ACACB: variants seen among roughly 807,000 people sequenced by gnomAD.
ACACB encodes the protein acetyl-CoA carboxylase 2.
In ACACB, 209 loss-of-function variants were observed where a neutral mutation model predicts 278.8. The ratio of observed to expected loss-of-function variants is 0.75; its 90% CI spans 0.67 to 0.84. The LOEUF is 0.84. ACACB is among the 40% of genes least tolerant of loss of function. ACACB has a pLI of 0.00. For missense variants in ACACB, 2,850 were observed against 3,269.0 expected (o/e 0.87, Z 3.13); for synonymous variants, 1,174 against 1,285.6 (o/e 0.91, Z 1.86).
rs764516576 is a variant in ACACB, at chr12:109,176,018, A to G, written c.1304A>G (p.Lys435Arg). 2.5e-6 allele frequency: 4 copies of G among 1,614,080 alleles called. No homozygotes were observed. The highest frequency in any genetic ancestry group is 3.4e-6 in the Non-Finnish European group (4 of 1,180,040). The change falls in exon 8 of 53, where the codon AAA (lysine) becomes AGA (arginine). Residue 435 changes from lysine (K) to arginine (R), a missense_variant. Physicochemically the swap from Lys to Arg is conservative, Grantham distance 26. Transcript: ENST00000338432. ...GATGTTTATGACAAGGGTTGCGTGA[A>G]AGACGTAGATGAGGGCTTGGAGGTA... ...PEDVYDKGCV[K>R]DVDEGLEAAE...
chr12:109,163,418 G>T (rs777145142), intron 2 of ACACB, among the ~76,000 whole-genome samples: 17 of 152,100 alleles, frequency 1.1e-4, no homozygotes, highest in African/African-American at 3.6e-4. Flanking sequence ...CCAAAAACAG[G>T]CTCGTAGACA....
At chr12:109,160,978 G>A (rs1320266331) in intron 2 of ACACB, among the ~76,000 whole-genome samples, 7 of 152,128 alleles carry the variant, frequency 4.6e-5, no homozygotes, top group Non-Finnish European at 1.0e-4. Flanking sequence ...GTGTAGAAAT[G>A]GGATGTCTCA....
intron 2 of ACACB, among the ~76,000 whole-genome samples, chr12:109,144,674 G>T (rs1467529294): frequency 2.0e-5 from 3 of 151,780 alleles, no homozygotes; most frequent in African/African-American, 7.3e-5. Flanking sequence ...TTTATAGGCA[G>T]AACAGGGCTG....
At chr12:109,254,674 T>A (rs1310409710) in intron 44 of ACACB, among the ~76,000 whole-genome samples, 3 of 152,090 alleles carry the variant, frequency 2.0e-5, no homozygotes, top group African/African-American at 7.2e-5. Context: ...GAAAATTCAG[T>A]GCTGAAACAT....
intron 35 of ACACB, 86 bp from the exon 36 acceptor site, chr12:109,240,992 C>T (rs1294970685): frequency 4.3e-6 from 6 of 1,383,584 alleles, no homozygotes; most frequent in Non-Finnish European, 6.1e-6. Context: ...GTCAGTATAT[C>T]TCATCCTCTT....
At position 109,219,829 on chromosome 12, in the gene ACACB, A is replaced by T. The variant is rs1015214673; in HGVS notation, c.3565-2678A>T. On this transcript the variant is annotated intron_variant, in intron 24 of 52. Coordinates refer to ENST00000338432, the MANE Select transcript of ACACB (RefSeq NM_001093.4). ...GAAGTTTGTAAAAATTAATTGGGAGAGAGGACTCTCCAAGTGATTGCAACA... is the reference window on the plus strand; with the variant it reads ...GAAGTTTGTAAAAATTAATTGGGAGTGAGGACTCTCCAAGTGATTGCAACA... 2.0e-5 allele frequency among the ~76,000 whole-genome samples: 3 copies of T among 152,204 alleles called. No individual in the cohort carries two copies. The East Asian group carries it at 5.8e-4, about 29-fold the overall frequency.
intron 24 of ACACB, among the ~76,000 whole-genome samples, chr12:109,219,585 G>A (rs2046102058): frequency 6.6e-6 from 1 of 152,180 alleles, no homozygotes; most frequent in South Asian, 2.1e-4. Context: ...TAATGGTTCT[G>A]TAGTAGGTGG....
intron 39 of ACACB, among the ~76,000 whole-genome samples, chr12:109,247,303 A>G (rs1318582283): frequency 6.6e-6 from 1 of 152,170 alleles, no homozygotes; most frequent in African/African-American, 2.4e-5. Flanking sequence ...TAACATATAT[A>G]CATATACAGA....
intron 3 of ACACB, 71 bp from the exon 4 acceptor site, chr12:109,167,825 C>G (rs1007894452): frequency 6.2e-7 from 1 of 1,609,154 alleles, no homozygotes; most frequent in Admixed American, 1.7e-5. Flanking sequence ...GTGAGGTGGA[C>G]TCGGGGTAGC....
intron 50 of ACACB, 68 bp from the exon 51 acceptor site, chr12:109,265,042 G>T: frequency 6.6e-7 from 1 of 1,526,112 alleles, no homozygotes; most frequent in East Asian, 2.3e-5. Context: ...ACTGTCATGG[G>T]TGTGGTCAGA....
At chr12:109,182,933 G>A (rs1029144498) in intron 11 of ACACB, among the ~76,000 whole-genome samples, 3 of 152,072 alleles carry the variant, frequency 2.0e-5, no homozygotes, top group African/African-American at 7.2e-5. Flanking sequence ...ATAATTTCAG[G>A]TCTTAGATTT....
chr12:109,266,423 C>A lies in ACACB; in HGVS notation c.*61C>A. On this transcript the variant is annotated 3_prime_UTR_variant, in exon 53 of 53. Coordinates refer to ENST00000338432, the MANE Select transcript of ACACB (RefSeq NM_001093.4). ...AAAGGAACCACCCAGACCCACCACCCGTACACCCTCAGCAGACCCTGAAGA... is the reference window on the plus strand; with the variant it reads ...AAAGGAACCACCCAGACCCACCACCAGTACACCCTCAGCAGACCCTGAAGA... 2 of 1,511,268 alleles carry A rather than the reference C, an allele frequency of 1.3e-6. No individual in the cohort carries two copies. The highest frequency in any genetic ancestry group is 1.3e-5 in the South Asian group (1 of 77,802). The allele number at this position is 1,511,268 out of a possible 1,614,324, so 93.6% of individuals were successfully genotyped here.
intron 21 of ACACB, among the ~76,000 whole-genome samples, chr12:109,212,522 C>T (rs1047885921): frequency 2.6e-5 from 4 of 152,106 alleles, no homozygotes; most frequent in East Asian, 1.9e-4. Flanking sequence ...CTTAGATTAT[C>T]GTAACGAGCA....
At position 109,171,928 on chromosome 12, in the gene ACACB, G is replaced by A; in HGVS notation, c.1035+14G>A. 6.2e-7 allele frequency: 1 copy of A among 1,607,144 alleles called. No homozygotes were observed. Among genetic ancestry groups the A allele is most frequent in the South Asian group, 1.1e-5 (1 of 90,948 alleles). On this transcript the variant is annotated intron_variant, in intron 5 of 52. Transcript: ENST00000338432. ...ATCCCCGTGCAGGTAGATGGACTGGGGTGCCCAAGTGTGGCCCCTGAGTGT... is the reference window on the plus strand; with the variant it reads ...ATCCCCGTGCAGGTAGATGGACTGGAGTGCCCAAGTGTGGCCCCTGAGTGT...
At chr12:109,179,509 C>A in intron 10 of ACACB, 1 of 621,678 alleles carries the variant, frequency 1.6e-6, no homozygotes, top group East Asian at 2.8e-5. Context: ...TTTTTTGAGA[C>A]AGAGTCTCAC....
At chr12:109,210,065 ATATATGTG>A (rs1263205227) in intron 21 of ACACB, among the ~76,000 whole-genome samples, 3 of 89,804 alleles carry the variant, frequency 3.3e-5, no homozygotes, top group Non-Finnish European at 5.2e-5. Flanking sequence ...ACACGTGTGT[ATATATGTG>A]TATATATGTA....
chr12:109,243,301 A>C (rs1205947747), intron 37 of ACACB, among the ~76,000 whole-genome samples: 1 of 152,148 alleles, frequency 6.6e-6, no homozygotes. Context: ...GTCTACTCTT[A>C]AAAAATAATG....
chr12:109,235,312 GA>G lies in ACACB; in HGVS notation c.4352del (p.Asn1451IlefsTer14). 6.8e-6 allele frequency: 11 copies of G among 1,613,976 alleles called. No individual in the cohort carries two copies. The highest frequency in any genetic ancestry group is 9.3e-6 in the Non-Finnish European group (11 of 1,179,902). ...CATTGTGTCTTTGGTTTTTAATGCA[GA>G]AAAATATCCTTGTGGATTATGGACT... ...PILRTFVQSKKNILVDYGLRR... is the reference protein window; with the variant it reads ...PILRTFVQSKXNILVDYGLRR... On this transcript the variant is annotated frameshift_variant and splice_region_variant, in exon 32 of 53. Coordinates refer to ENST00000338432, the MANE Select transcript of ACACB (RefSeq NM_001093.4). LOFTEE classifies it high-confidence loss of function.
chr12:109,215,439 C>G (rs891010612), intron 22 of ACACB, among the ~76,000 whole-genome samples: 2 of 151,990 alleles, frequency 1.3e-5, no homozygotes, highest in Non-Finnish European at 2.9e-5. Context: ...CTTTGAAGGC[C>G]TCAGGATTAG....
Sources: allele counts gnomAD v4.1 joint callset (sites outside exome capture counted in the v4.1 genomes callset), GRCh38; gene constraint gnomAD v4.1.1; transcripts MANE v1.5; gene names NCBI Gene and HGNC (gene_info 2026-07-23, HGNC 2026-07-21).